Variants in DYNC1I1 observed in about 807,000 individuals in gnomAD.
DYNC1I1 encodes the protein cytoplasmic dynein 1 intermediate chain 1.
In DYNC1I1, 43 loss-of-function variants were observed where a neutral mutation model predicts 86.6. The observed-to-expected ratio is 0.50, with a 90% CI of 0.39 to 0.64. DYNC1I1 has a LOEUF of 0.64. DYNC1I1 is among the 30% of genes least tolerant of loss of function. The pLI, the probability that DYNC1I1 is intolerant of heterozygous loss-of-function variation, is 0.00. For synonymous variants in DYNC1I1, 262 were observed against 283.7 expected (o/e 0.92, Z 0.77); for missense variants, 604 against 788.8 (o/e 0.77, Z 2.81).
intron 5 of DYNC1I1, among the ~76,000 whole-genome samples, chr7:95,845,217 G>A (rs571992722): frequency 4.9e-4 from 75 of 152,244 alleles, no homozygotes; most frequent in African/African-American, 1.8e-3. Context: ...TTACTCTAGA[G>A]TCTACCAGGC....
chr7:95,813,374 CAATT>C, intron 4 of DYNC1I1, 37 bp downstream of exon 4: 1 of 1,335,650 alleles, frequency 7.5e-7, no homozygotes, highest in South Asian at 1.4e-5. Context: ...TGATGGGTGT[CAATT>C]AAAAAAAAAA....
intron 6 of DYNC1I1, among the ~76,000 whole-genome samples, chr7:95,891,435 C>G (rs1790735787): frequency 6.6e-6 from 1 of 152,178 alleles, no homozygotes; most frequent in Non-Finnish European, 1.5e-5. Context: ...AAAATGCACT[C>G]TTAACCTCTG....
At chr7:95,794,475 C>T (rs557730810) in intron 1 of DYNC1I1, among the ~76,000 whole-genome samples, 2 of 152,192 alleles carry the variant, frequency 1.3e-5, no homozygotes, top group Admixed American at 6.5e-5. Flanking sequence ...TGGAATGCAC[C>T]ATAGGGGTCA....
intron 6 of DYNC1I1, among the ~76,000 whole-genome samples, chr7:95,942,641 G>T (rs368519874): frequency 6.6e-6 from 1 of 151,490 alleles, no homozygotes; most frequent in East Asian, 1.9e-4. Flanking sequence ...CTGGCAAAAC[G>T]AATCCAGCAG....
downstream of DYNC1I1, among the ~76,000 whole-genome samples, chr7:96,099,426 C>T (rs1038081724): frequency 5.3e-5 from 8 of 152,144 alleles, no homozygotes; most frequent in African/African-American, 1.4e-4. Context: ...CAGACTGCTA[C>T]GTGGTTTCCA....
At chr7:96,082,246 C>G (rs1354859458) in intron 16 of DYNC1I1, among the ~76,000 whole-genome samples, 2 of 151,400 alleles carry the variant, frequency 1.3e-5, no homozygotes, top group East Asian at 3.9e-4. Context: ...TTATTGGTCA[C>G]TTCCTAAAAA....
intron 15 of DYNC1I1, among the ~76,000 whole-genome samples, chr7:96,080,030 G>T (rs941918244): frequency 2.6e-5 from 4 of 152,046 alleles, no homozygotes; most frequent in African/African-American, 9.7e-5. Flanking sequence ...GACCCTATGG[G>T]GAAGGATCCC....
intron 16 of DYNC1I1, among the ~76,000 whole-genome samples, chr7:96,083,795 G>A (rs760490779): frequency 1.3e-5 from 2 of 152,142 alleles, no homozygotes; most frequent in Non-Finnish European, 2.9e-5. Flanking sequence ...TTCAAAATTG[G>A]TTCCCTGGTC....
At chr7:96,020,173 G>A (rs927359385) in intron 10 of DYNC1I1, among the ~76,000 whole-genome samples, 1 of 151,736 alleles carries the variant, frequency 6.6e-6, no homozygotes, top group African/African-American at 2.4e-5. Flanking sequence ...ATGTATTGTG[G>A]GTGGAATGTA....
chr7:95,868,465 A>G (rs1426470897), intron 5 of DYNC1I1, among the ~76,000 whole-genome samples: 1 of 152,224 alleles, frequency 6.6e-6, no homozygotes, highest in East Asian at 1.9e-4. Flanking sequence ...ATCCGCTAGT[A>G]ACAATTAAGG....
At chr7:96,044,744 T>C (rs772008127) in intron 14 of DYNC1I1, among the ~76,000 whole-genome samples, 8 of 152,168 alleles carry the variant, frequency 5.3e-5, no homozygotes, top group South Asian at 2.1e-4. Context: ...ATTTTCTTAA[T>C]GCTGTAGGGG....
chr7:95,803,850 T>TA (rs1238075045), intron 1 of DYNC1I1, among the ~76,000 whole-genome samples: 6 of 152,200 alleles, frequency 3.9e-5, no homozygotes. Context: ...CTCAAATATA[T>TA]AATCATTGGT....
In DYNC1I1 at chr7:96,097,893, C is replaced by G. The variant is rs927896943; in HGVS notation, c.*300C>G. 9.2e-7 allele frequency: 1 copy of G among 1,089,258 alleles called. No homozygotes were observed. The highest frequency in any genetic ancestry group is 1.1e-6 in the Non-Finnish European group (1 of 892,308). 67.5% of individuals were successfully genotyped at this position (1,089,258 alleles called of 1,614,324 possible). On this transcript the variant is annotated 3_prime_UTR_variant, in exon 17 of 17. Coordinates refer to ENST00000447467, the MANE Select transcript of DYNC1I1 (RefSeq NM_001135556.2). ...GTAGCTGTATTTAATAGCTGGAAAC[C>G]TCTGGTTAAATTTGTGCTTACATGC...
At chr7:96,054,901 C>G (rs1193605435) in intron 14 of DYNC1I1, among the ~76,000 whole-genome samples, 1 of 152,046 alleles carries the variant, frequency 6.6e-6, no homozygotes, top group East Asian at 1.9e-4. Context: ...AAACTTTTCT[C>G]CCATTCTGTA....
intron 6 of DYNC1I1, among the ~76,000 whole-genome samples, chr7:95,877,613 T>C (rs1463030752): frequency 6.6e-6 from 1 of 152,156 alleles, no homozygotes; most frequent in Non-Finnish European, 1.5e-5. Context: ...ACAATCAAGA[T>C]AGTGGTGTAA....
chr7:95,869,929 T>C lies in DYNC1I1; in HGVS notation c.421T>C (p.Phe141Leu), dbSNP rs142483580. 3 of 1,614,094 alleles carry C rather than the reference T, an allele frequency of 1.9e-6. No homozygotes were observed. In the African/African-American group the frequency reaches 4.0e-5, roughly 22 times the overall value. ...LGVSKVTQVD[F>L]LPREVVSYSK... ...CGTGTCAAAGGTCACCCAAGTGGAT[T>C]TCCTGCCAAGGGAAGTAGTGTCCTA... Residue 141 changes from phenylalanine to leucine, a missense_variant, in exon 6 of 17, where the codon TTC becomes CTC. By Grantham distance (22) the Phe-to-Leu change is conservative. Coordinates refer to ENST00000447467, the MANE Select transcript of DYNC1I1 (RefSeq NM_001135556.2).
At chr7:96,066,171 G>A (rs564580605) in intron 14 of DYNC1I1, among the ~76,000 whole-genome samples, 4 of 152,016 alleles carry the variant, frequency 2.6e-5, no homozygotes, top group Non-Finnish European at 5.9e-5. Flanking sequence ...CTTTATATCC[G>A]TCTGGGAATA....
At position 95,810,491 on chromosome 7, in the gene DYNC1I1, C is replaced by T. The variant is rs762840556; in HGVS notation, c.208C>T (p.Pro70Ser). The change falls in exon 3 of 17, where the codon CCG (proline) becomes TCG (serine). Residue 70 changes from proline (P) to serine (S), a missense_variant. Transcript: ENST00000447467. Reference sequence around the variant, plus strand: ...TTTGCTGCAAAGCATTGGTATCTCACCGGAGCCGCCTCTAGGTACTTAAAA... The same window carrying T: ...TTTGCTGCAAAGCATTGGTATCTCATCGGAGCCGCCTCTAGGTACTTAAAA... ...EALLQSIGIS[P>S]EPPLVPTPMS... 1.2e-6 allele frequency: 2 copies of T among 1,611,938 alleles called. No individual in the cohort carries two copies. The highest frequency in any genetic ancestry group is 1.3e-5 in the African/African-American group (1 of 74,842).
chr7:96,032,767 T>C lies in DYNC1I1; in HGVS notation c.1217T>C (p.Leu406Pro). 1 of 1,613,232 alleles carries C rather than the reference T, an allele frequency of 6.2e-7. No individual in the cohort carries two copies. The highest frequency in any genetic ancestry group is 8.5e-7 in the Non-Finnish European group (1 of 1,179,506). Residue 406 changes from leucine to proline, a missense_variant, in exon 12 of 17, where the codon CTC (leucine) becomes CCC (proline). Coordinates refer to ENST00000447467, the MANE Select transcript of DYNC1I1 (RefSeq NM_001135556.2). ...ATGTGTTCCTGGAGCCTGGACATGC[T>C]CTCAACTCCACAGGTGGGTTTGTTT... ...GKMCSWSLDM[L>P]STPQESMELV...
Sources: gnomAD v4.1 joint callset for allele counts (sites outside exome capture counted in the v4.1 genomes callset) on GRCh38, gnomAD v4.1.1 for gene constraint, MANE v1.5 for transcripts, NCBI Gene and HGNC (gene_info 2026-07-23, HGNC 2026-07-21) for gene names.